Variants in GRID1 observed in about 807,000 individuals in gnomAD.
GRID1 encodes glutamate receptor ionotropic, delta-1.
In GRID1, 28 loss-of-function variants were observed where a neutral mutation model predicts 98.0. The ratio of observed to expected loss-of-function variants is 0.29; its 90% confidence interval spans 0.21 to 0.39. The LOEUF (loss-of-function observed/expected upper bound fraction) is 0.39, where lower values mean the gene tolerates loss of function less well. GRID1 is among the 10% of genes least tolerant of loss of function. The probability of loss-of-function intolerance (pLI) is 1.00; values close to 1 mark genes in which losing one functional copy is unlikely to be tolerated. For synonymous variants in GRID1, 553 were observed against 538.5 expected (o/e 1.03, Z -0.37); for missense variants, 1,111 against 1,340.5 (o/e 0.83, Z 2.67).
intron 3 of GRID1, among the ~76,000 whole-genome samples, chr10:86,150,495 T>G (rs1301054127): frequency 6.6e-6 from 1 of 152,208 alleles, no homozygotes; most frequent in African/African-American, 2.4e-5. Context: ...GAGAAGTAAT[T>G]TCCAAGTGTT....
At chr10:85,663,949 G>C (rs746144649) in intron 12 of GRID1, among the ~76,000 whole-genome samples, 6 of 152,134 alleles carry the variant, frequency 3.9e-5, no homozygotes, top group Non-Finnish European at 7.4e-5. Flanking sequence ...TAAATGAATA[G>C]ATGAGTCAAT....
chr10:86,177,784 TACAGAGAA>T, intron 3 of GRID1, among the ~76,000 whole-genome samples: 1 of 151,866 alleles, frequency 6.6e-6, no homozygotes, highest in Middle Eastern at 3.4e-3. Context: ...GTGCATGCAT[TACAGAGAA>T]ACAGAAATAG....
chr10:86,090,829 G>A (rs1220965340), intron 4 of GRID1, among the ~76,000 whole-genome samples: 1 of 152,210 alleles, frequency 6.6e-6, no homozygotes, highest in Admixed American at 6.5e-5. Flanking sequence ...CCCAACTCCA[G>A]AAGTGGGAAA....
intron 8 of GRID1, among the ~76,000 whole-genome samples, chr10:85,818,917 C>T (rs922726594): frequency 6.6e-6 from 1 of 151,914 alleles, no homozygotes; most frequent in Non-Finnish European, 1.5e-5. Flanking sequence ...GACAGGGGTT[C>T]GCCATGTTGA....
intron 3 of GRID1, among the ~76,000 whole-genome samples, chr10:86,184,304 T>C (rs1286831187): frequency 6.6e-6 from 1 of 152,188 alleles, no homozygotes; most frequent in African/African-American, 2.4e-5. Context: ...CTTTTACTGT[T>C]ACATCTAAGA....
intron 2 of GRID1, among the ~76,000 whole-genome samples, chr10:86,211,707 T>TAA (rs11404615): frequency 2.0e-4 from 30 of 147,218 alleles, no homozygotes; most frequent in African/African-American, 7.4e-4. Flanking sequence ...TTTCCCTGGT[T>TAA]AAAAAAAAAA....
At chr10:85,899,590 T>C (rs1438677664) in intron 5 of GRID1, among the ~76,000 whole-genome samples, 1 of 152,212 alleles carries the variant, frequency 6.6e-6, no homozygotes, top group Non-Finnish European at 1.5e-5. Context: ...TAAATTTAAT[T>C]TGTTTTAAGA....
At chr10:85,835,726 G>T (rs1234885956) in intron 8 of GRID1, among the ~76,000 whole-genome samples, 1 of 152,124 alleles carries the variant, frequency 6.6e-6, no homozygotes, top group African/African-American at 2.4e-5. Flanking sequence ...AATATCAGCA[G>T]AATATACATC....
chr10:86,346,084 A>G (rs1353831426), intron 2 of GRID1, among the ~76,000 whole-genome samples: 1 of 152,182 alleles, frequency 6.6e-6, no homozygotes, highest in Non-Finnish European at 1.5e-5. Flanking sequence ...CTCTTGTAGC[A>G]TGCTTCACAT....
intron 6 of GRID1, among the ~76,000 whole-genome samples, chr10:85,865,036 C>T (rs771545573): frequency 3.3e-5 from 5 of 152,168 alleles, no homozygotes; most frequent in East Asian, 1.9e-4. Flanking sequence ...AGACAGAGTA[C>T]GTTACAGATT....
chr10:85,793,327 G>A (rs1842497932), intron 8 of GRID1, among the ~76,000 whole-genome samples: 1 of 152,174 alleles, frequency 6.6e-6, no homozygotes, highest in Non-Finnish European at 1.5e-5. Flanking sequence ...GCACAGGTGT[G>A]CTCTCCGCAA....
intron 4 of GRID1, among the ~76,000 whole-genome samples, chr10:86,025,231 T>C (rs948495519): frequency 5.3e-5 from 8 of 152,146 alleles, no homozygotes; most frequent in African/African-American, 1.7e-4. Flanking sequence ...AGACCACGAA[T>C]AGTAACAGTA....
chr10:86,078,080 G>A (rs1037195503), intron 4 of GRID1, among the ~76,000 whole-genome samples: 8 of 152,230 alleles, frequency 5.3e-5, no homozygotes, highest in Admixed American at 2.6e-4. Flanking sequence ...GCAGTGCCAG[G>A]GCCGGCACTC....
chr10:86,314,851 G>A (rs143490795), intron 2 of GRID1, among the ~76,000 whole-genome samples: 2 of 152,174 alleles, frequency 1.3e-5, no homozygotes, highest in African/African-American at 4.8e-5. Flanking sequence ...GCATCAGAAA[G>A]GCCACATGGT....
At chr10:85,899,654 A>C (rs1204166092) in intron 5 of GRID1, among the ~76,000 whole-genome samples, 1 of 152,188 alleles carries the variant, frequency 6.6e-6, no homozygotes, top group Non-Finnish European at 1.5e-5. Flanking sequence ...GCACTCAGCA[A>C]TGTGTCTTCC....
chr10:86,304,169 T>C (rs2132083708), intron 2 of GRID1, among the ~76,000 whole-genome samples: 2 of 152,344 alleles, frequency 1.3e-5, no homozygotes, highest in Middle Eastern at 6.8e-3. Flanking sequence ...CTACCTGTCC[T>C]GCCTCCTCAA....
chr10:86,053,059 C>A (rs1843523292), intron 4 of GRID1, among the ~76,000 whole-genome samples: 1 of 152,108 alleles, frequency 6.6e-6, no homozygotes, highest in Admixed American at 6.5e-5. Context: ...AATGCCAAGG[C>A]ACCAAATTTA....
intron 12 of GRID1, among the ~76,000 whole-genome samples, chr10:85,706,217 C>T (rs1411196875): frequency 2.6e-5 from 4 of 152,114 alleles, no homozygotes; most frequent in African/African-American, 4.8e-5. Flanking sequence ...AAAACCGCAT[C>T]GTCTCAGCCC....
At chr10:85,995,663 G>A (rs1842731628) in intron 4 of GRID1, among the ~76,000 whole-genome samples, 1 of 152,208 alleles carries the variant, frequency 6.6e-6, no homozygotes, top group Non-Finnish European at 1.5e-5. Flanking sequence ...TACCAAACTG[G>A]CTGTAAGTTT....
Sources: gnomAD v4.1 joint callset for allele counts (sites outside exome capture counted in the v4.1 genomes callset) on GRCh38, gnomAD v4.1.1 for gene constraint, MANE v1.5 for transcripts, NCBI Gene and HGNC (gene_info 2026-07-23, HGNC 2026-07-21) for gene names.